UMAD1: variants seen among roughly 807,000 people sequenced by gnomAD.
UMAD1 encodes the protein UBAP1-MVB12-associated (UMA) domain containing 1, also known as UBAP1-MVB12-associated (UMA)-domain containing protein 1.
In UMAD1, 8 loss-of-function variants were observed where a neutral mutation model predicts 6.1. The ratio of observed to expected loss-of-function variants is 1.30; its 90% confidence interval spans 0.76 to 2.35. The LOEUF is 2.35. Among genes scored for constraint, UMAD1 ranks in the 30% most tolerant of loss-of-function variants. The pLI, the probability that UMAD1 is intolerant of heterozygous loss-of-function variation, is 0.00. For synonymous variants in UMAD1, 56 were observed against 31.4 expected, an observed-to-expected ratio of 1.78 and a Z score of -2.61; for missense variants, 130 against 78.4, an observed-to-expected ratio of 1.66 and a Z score of -2.49.
intron 1 of UMAD1, among the ~76,000 whole-genome samples, chr7:7,665,700 T>C (rs1779428282): frequency 6.6e-6 from 1 of 152,108 alleles, no homozygotes; most frequent in South Asian, 2.1e-4. Flanking sequence ...TCTGTGTTCC[T>C]CCCCTCCCCA....
At chr7:7,729,724 CTT>C (rs1781210957) in intron 2 of UMAD1, among the ~76,000 whole-genome samples, 1 of 152,320 alleles carries the variant, frequency 6.6e-6, no homozygotes, top group South Asian at 2.1e-4. Flanking sequence ...TCTCCAAAGA[CTT>C]TGTCAGTGGA....
At chr7:7,709,836 G>A (rs1011267435) in intron 2 of UMAD1, among the ~76,000 whole-genome samples, 10 of 151,698 alleles carry the variant, frequency 6.6e-5, no homozygotes, top group African/African-American at 2.4e-4. Context: ...ATGAACACCT[G>A]TGTACCCACC....
chr7:7,721,615 A>G (rs1781051118), intron 2 of UMAD1, among the ~76,000 whole-genome samples: 1 of 152,148 alleles, frequency 6.6e-6, no homozygotes, highest in African/African-American at 2.4e-5. Flanking sequence ...CTGGAATGAA[A>G]ACTCACTTCC....
chr7:7,675,620 C>T (rs921157924), intron 2 of UMAD1, among the ~76,000 whole-genome samples: 13 of 152,128 alleles, frequency 8.5e-5, no homozygotes, highest in Admixed American at 2.6e-4. Context: ...AAGGAATTTC[C>T]GGGACCTAAT....
intron 3 of UMAD1, among the ~76,000 whole-genome samples, chr7:7,849,095 G>GT (rs1290920135): frequency 6.6e-6 from 1 of 152,166 alleles, no homozygotes; most frequent in African/African-American, 2.4e-5. Flanking sequence ...ATTGTAGAGA[G>GT]TGAGGTAATA....
chr7:7,834,292 A>T (rs972275869), intron 3 of UMAD1, among the ~76,000 whole-genome samples: 6 of 151,874 alleles, frequency 4.0e-5, no homozygotes, highest in Admixed American at 3.9e-4. Flanking sequence ...CAAAGTGCTG[A>T]GATTATAGGC....
At chr7:7,722,267 C>G (rs554156188) in intron 2 of UMAD1, among the ~76,000 whole-genome samples, 3 of 151,020 alleles carry the variant, frequency 2.0e-5, no homozygotes, top group African/African-American at 7.3e-5. Flanking sequence ...GATTTTGGTA[C>G]GAGGAGTGGT....
At chr7:7,788,151 A>G (rs1454411913) in intron 2 of UMAD1, among the ~76,000 whole-genome samples, 1 of 152,222 alleles carries the variant, frequency 6.6e-6, no homozygotes, top group Non-Finnish European at 1.5e-5. Flanking sequence ...GGGAACAACA[A>G]CTATTAAACA....
intron 1 of UMAD1, among the ~76,000 whole-genome samples, chr7:7,647,098 G>C (rs6961170): frequency 2.8e-3 from 430 of 152,268 alleles, no homozygotes; most frequent in African/African-American, 9.9e-3. Context: ...TATCTATTGA[G>C]TGTTTGGTAG....
intron 2 of UMAD1, among the ~76,000 whole-genome samples, chr7:7,751,102 A>G (rs1781668999): frequency 6.6e-6 from 1 of 152,096 alleles, no homozygotes; most frequent in African/African-American, 2.4e-5. Context: ...TATATAGCTG[A>G]GCAATGTGAA....
At chr7:7,737,010 A>C (rs1355655800) in intron 2 of UMAD1, among the ~76,000 whole-genome samples, 1 of 152,254 alleles carries the variant, frequency 6.6e-6, no homozygotes, top group Non-Finnish European at 1.5e-5. Context: ...TGCCATGGCC[A>C]CCTTGCTCTG....
chr7:7,740,073 C>T (rs1289596511), intron 2 of UMAD1, among the ~76,000 whole-genome samples: 1 of 152,238 alleles, frequency 6.6e-6, no homozygotes, highest in Non-Finnish European at 1.5e-5. Context: ...GTTCTTGAAA[C>T]CCTGGATTGC....
chr7:7,722,407 G>A (rs1344762506), intron 2 of UMAD1, among the ~76,000 whole-genome samples: 1 of 152,006 alleles, frequency 6.6e-6, no homozygotes, highest in African/African-American at 2.4e-5. Flanking sequence ...AACACTGATA[G>A]TCCTTGGCAT....
intron 2 of UMAD1, among the ~76,000 whole-genome samples, chr7:7,725,531 C>G (rs191648802): frequency 4.9e-4 from 74 of 152,278 alleles, no homozygotes; most frequent in African/African-American, 1.5e-3. Flanking sequence ...AGAGACAGCT[C>G]TTGGCCTGTT....
intron 2 of UMAD1, among the ~76,000 whole-genome samples, chr7:7,725,343 G>C (rs1781120605): frequency 6.6e-6 from 1 of 152,162 alleles, no homozygotes; most frequent in Admixed American, 6.5e-5. Context: ...TGCTGTGTAA[G>C]CTGCTTTGCC....
At position 7,841,974 on chromosome 7, in the gene UMAD1, G is replaced by T. The variant is rs17138505; in HGVS notation, c.157-35307G>T. On this transcript the variant is annotated intron_variant, in intron 3 of 3. Coordinates refer to ENST00000682710, the MANE Select transcript of UMAD1 (RefSeq NM_001302348.2). Reference sequence around the variant, plus strand: ...GCCATACACTTTTCTCCATGGCCCTGTATGAAACAAAAATAATGATGACAA... The same window carrying T: ...GCCATACACTTTTCTCCATGGCCCTTTATGAAACAAAAATAATGATGACAA... Among the ~76,000 whole-genome samples, 1,238 of 152,242 alleles carry T rather than the reference G, an allele frequency of 8.1e-3. 60 individuals carry two copies. The highest frequency in any genetic ancestry group is 0.063 in the Admixed American group (967 of 15,288).
chr7:7,869,254 C>G (rs1290924551), intron 3 of UMAD1, among the ~76,000 whole-genome samples: 2 of 98,502 alleles, frequency 2.0e-5, no homozygotes, highest in Non-Finnish European at 4.4e-5. Flanking sequence ...CAAGCAGATA[C>G]CAGCTGAAGC....
At chr7:7,836,379 A>T (rs73361461) in intron 3 of UMAD1, among the ~76,000 whole-genome samples, 2,257 of 152,078 alleles carry the variant, frequency 0.015, 58 homozygotes, top group African/African-American at 0.051. Flanking sequence ...TGATCACTCT[A>T]TGGTTTTCTG....
intron 3 of UMAD1, among the ~76,000 whole-genome samples, chr7:7,867,310 T>C (rs535858601): frequency 3.9e-5 from 6 of 152,272 alleles, no homozygotes; most frequent in Admixed American, 2.0e-4. Flanking sequence ...TACATACATA[T>C]TACTTTTGGG....
Sources: allele counts gnomAD v4.1 joint callset (sites outside exome capture counted in the v4.1 genomes callset), GRCh38; gene constraint gnomAD v4.1.1; transcripts MANE v1.5; gene names NCBI Gene and HGNC (gene_info 2026-07-23, HGNC 2026-07-21).